The following DPPA2 variants were observed in gnomAD, a reference collection of about 807,000 sequenced individuals.
DPPA2 encodes developmental pluripotency associated 2.
In DPPA2, 26 loss-of-function variants were observed where a neutral mutation model predicts 36.2. The observed-to-expected ratio is 0.72, with a 90% CI of 0.53 to 1.00. The LOEUF is 1.00. Among genes scored for constraint, DPPA2 ranks in the 50% least tolerant of loss-of-function variants. The pLI is 0.00. For synonymous variants in DPPA2, 113 were observed against 123.2 expected (o/e 0.92, Z 0.55); for missense variants, 361 against 365.1 (o/e 0.99, Z 0.09).
chr3:109,294,763 C>A (rs1394459912), intron 8 of DPPA2, among the ~76,000 whole-genome samples: 1 of 152,300 alleles, frequency 6.6e-6, no homozygotes, highest in East Asian at 1.9e-4. Flanking sequence ...GCGGCTCATG[C>A]CTGTAATCTC....
chr3:109,294,511 G>A (rs915887849), intron 8 of DPPA2, among the ~76,000 whole-genome samples: 10 of 152,176 alleles, frequency 6.6e-5, no homozygotes, highest in African/African-American at 2.2e-4. Flanking sequence ...GTTCAGGAGA[G>A]CCTTGTTTTA....
At chr3:109,303,295 C>T (rs563830137) in intron 7 of DPPA2, among the ~76,000 whole-genome samples, 1 of 151,754 alleles carries the variant, frequency 6.6e-6, no homozygotes, top group Non-Finnish European at 1.5e-5. Flanking sequence ...TTCCTCAGAA[C>T]GTGTAATCTT....
In DPPA2 at chr3:109,300,543, C is replaced by T. The variant is rs73852687; in HGVS notation, c.855-108G>A. Reference sequence around the variant, plus strand: ...TAAAATAAAGCATGCACTTCTGGGCCGGGTGTGGTGGCTCACGCCTGTAAT... The same window carrying T: ...TAAAATAAAGCATGCACTTCTGGGCTGGGTGTGGTGGCTCACGCCTGTAAT... On this transcript the variant is annotated intron_variant, in intron 7 of 8. Transcript: ENST00000478945. The T allele has an allele frequency of 3.8e-3, 4,238 of 1,108,130 alleles. 135 individuals carry two copies. The African/African-American group carries it at 0.057, about 15-fold the overall frequency. 68.6% of individuals were successfully genotyped at this position (1,108,130 alleles called of 1,614,324 possible). A position where few individuals can be genotyped will look rare whatever the true frequency, so the allele number is the denominator to read the frequency against.
chr3:109,310,672 A>C (rs1707691463), intron 3 of DPPA2, among the ~76,000 whole-genome samples: 1 of 151,154 alleles, frequency 6.6e-6, no homozygotes, highest in Non-Finnish European at 1.5e-5. Context: ...TGCCCAGCTA[A>C]TTTTTGTATT....
rs74694251 is a variant in DPPA2, at chr3:109,313,084, A to G, written c.34-392T>C. Among the ~76,000 whole-genome samples the G allele has an allele frequency of 3.0e-4, 46 of 152,218 alleles. No homozygotes were observed. The East Asian group carries it at 8.7e-3, about 29-fold the overall frequency. The stretch of plus-strand genomic sequence containing the variant: ...ATGATTCCCAAGATTCCCAATTCCC[A>G]TATCAAATTTCACAGCACAAGCAAT... On this transcript the variant is annotated intron_variant, in intron 2 of 8. Coordinates refer to ENST00000478945, the MANE Select transcript of DPPA2 (RefSeq NM_138815.4).
rs1707730060 is a variant in DPPA2 at position 109,312,575 on chromosome 3, T to C, written c.151A>G (p.Lys51Glu). The change falls in exon 3 of 9, where the codon AAA becomes GAA. Residue 51 changes from lysine (K) to glutamate (E), a missense_variant. Transcript: ENST00000478945. ...EPSVSSTSDV[K>E]LEKPKKYNPG... is the part of the protein sequence containing the mutation. Reference sequence around the variant, plus strand: ...TTGTATTTCTTAGGCTTCTCCAGTTTGACATCAGAAGTTGAAGAAACGCTT... The same window carrying C: ...TTGTATTTCTTAGGCTTCTCCAGTTCGACATCAGAAGTTGAAGAAACGCTT... 1 of 1,613,588 alleles carries C rather than the reference T, an allele frequency of 6.2e-7. No individual in the cohort carries two copies. The highest frequency in any genetic ancestry group is 1.3e-5 in the African/African-American group (1 of 75,008).
chr3:109,314,635 G>T, intron 1 of DPPA2, 80 bp from the exon 2 acceptor site: 2 of 1,369,724 alleles, frequency 1.5e-6, no homozygotes, highest in Non-Finnish European at 2.0e-6. Context: ...ATAAGCAAAT[G>T]TTTCCTTCTA....
intron 3 of DPPA2, among the ~76,000 whole-genome samples, chr3:109,310,540 C>T: frequency 6.6e-6 from 1 of 150,766 alleles, no homozygotes; most frequent in Non-Finnish European, 1.5e-5. Flanking sequence ...GAGTTTCGCT[C>T]TATTGCCCAG....
intron 8 of DPPA2, 60 bp downstream of exon 8, chr3:109,300,311 T>C (rs2107304358): frequency 5.0e-6 from 7 of 1,401,706 alleles, no homozygotes; most frequent in East Asian, 2.3e-5. Flanking sequence ...TGTGACTCTT[T>C]TCAATTGCCT....
At chr3:109,301,301 T>C (rs1707453747) in intron 7 of DPPA2, among the ~76,000 whole-genome samples, 1 of 151,262 alleles carries the variant, frequency 6.6e-6, no homozygotes, top group African/African-American at 2.4e-5. Flanking sequence ...ATACTCTCCA[T>C]TCCCCTCTCT....
intron 2 of DPPA2, among the ~76,000 whole-genome samples, chr3:109,313,519 G>A (rs1707743579): frequency 6.6e-6 from 1 of 152,154 alleles, no homozygotes; most frequent in African/African-American, 2.4e-5. Flanking sequence ...CAGTACACAG[G>A]CACTATGCTA....
chr3:109,314,554 C>T lies in DPPA2; in HGVS notation c.-12G>A, dbSNP rs375420882. ...TTTGCATCTGACATTTTCAGCAACA[C>T]CCTGGGGAAGGCAAGGACAGCAATG... On this transcript the variant is annotated splice_region_variant and 5_prime_UTR_variant, in exon 2 of 9. In the 5' UTR this introduces an upstream ATG that the reference lacks. Transcript: ENST00000478945. 6.2e-7 allele frequency: 1 copy of T among 1,609,116 alleles called. No individual in the cohort carries two copies. The highest frequency in any genetic ancestry group is 1.7e-5 in the Admixed American group (1 of 59,954).
Position 109,308,068 on chromosome 3 carries a change from G to A in DPPA2, c.622C>T (p.Pro208Ser), listed in dbSNP as rs745764972. The A allele has an allele frequency of 3.7e-6, 6 of 1,614,214 alleles. No individual in the cohort carries two copies. Among genetic ancestry groups the A allele is most frequent in the Non-Finnish European group, 5.1e-6 (6 of 1,180,026 alleles). The change falls in exon 6 of 9, where the codon CCT (proline) becomes TCT (serine). Residue 208 changes from proline to serine, a missense_variant. By Grantham distance (74) the Pro-to-Ser change is moderately conservative. Coordinates refer to ENST00000478945, the MANE Select transcript of DPPA2 (RefSeq NM_138815.4). ...ATCAAAAAGGCCTCAACAGAAACAG[G>A]AATGGAACATGAATTCAAAGCCTTA... is the stretch of plus-strand genomic sequence containing the variant. ...QPKALNSCSI[P>S]VSVEAFLMQA...
chr3:109,299,292 C>T (rs1195208882), intron 8 of DPPA2, among the ~76,000 whole-genome samples: 1 of 151,988 alleles, frequency 6.6e-6, no homozygotes, highest in Non-Finnish European at 1.5e-5. Context: ...GCGGGTGGAT[C>T]CCAAGATTAG....
intron 2 of DPPA2, among the ~76,000 whole-genome samples, chr3:109,312,911 A>C (rs1358481672): frequency 6.6e-6 from 1 of 152,214 alleles, no homozygotes; most frequent in Non-Finnish European, 1.5e-5. Context: ...TGTAGGTGTT[A>C]ATGAAAGAGA....
intron 8 of DPPA2, among the ~76,000 whole-genome samples, chr3:109,298,717 AAATAATAAT>A (rs56968344): frequency 7.0e-6 from 1 of 141,874 alleles, no homozygotes; most frequent in Non-Finnish European, 1.5e-5. Context: ...TTCTGTCTAA[AAATAATAAT>A]AATAATAATA....
intron 6 of DPPA2, among the ~76,000 whole-genome samples, chr3:109,306,128 G>A (rs971228059): frequency 6.6e-6 from 1 of 152,188 alleles, no homozygotes; most frequent in Non-Finnish European, 1.5e-5. Flanking sequence ...ATTAGACTGT[G>A]AAACAAGAGA....
chr3:109,308,914 A>G, intron 5 of DPPA2, 112 bp downstream of exon 5: 1 of 1,281,234 alleles, frequency 7.8e-7, no homozygotes, highest in Non-Finnish European at 1.1e-6. Context: ...ATAATGCCAC[A>G]GTGAAGAAAC....
intron 6 of DPPA2, among the ~76,000 whole-genome samples, chr3:109,305,750 G>A (rs1192888474): frequency 2.9e-5 from 4 of 136,520 alleles, no homozygotes; most frequent in Admixed American, 8.4e-5. Flanking sequence ...CTCCAGCCTG[G>A]ACAACAAGAG....
Sources: gnomAD v4.1 joint callset for allele counts (sites outside exome capture counted in the v4.1 genomes callset) on GRCh38, gnomAD v4.1.1 for gene constraint, MANE v1.5 for transcripts, NCBI Gene and HGNC (gene_info 2026-07-23, HGNC 2026-07-21) for gene names.